COL27A1: variants seen among roughly 807,000 people sequenced by gnomAD.
The protein encoded by COL27A1 is collagen type XXVII alpha 1 chain.
Under a neutral mutation model 251.3 loss-of-function variants are expected in COL27A1, and 106 were observed. The ratio of observed to expected loss-of-function variants is 0.42; its 90% CI spans 0.36 to 0.50. The LOEUF (loss-of-function observed/expected upper bound fraction) is 0.50. COL27A1 is among the 20% of genes least tolerant of loss of function. COL27A1 has a pLI of 0.00. For synonymous variants in COL27A1, 1,000 were observed against 986.3 expected (o/e 1.01, Z -0.26); for missense variants, 2,325 against 2,522.8 (o/e 0.92, Z 1.68).
chr9:114,194,304 G>C, intron 5 of COL27A1, 100 bp from the exon 6 acceptor site: 1 of 1,099,014 alleles, frequency 9.1e-7, no homozygotes, highest in Non-Finnish European at 1.4e-6. Flanking sequence ...GGATGGGAAG[G>C]CATTTAAGCA....
intron 19 of COL27A1, among the ~76,000 whole-genome samples, chr9:114,239,016 C>T (rs1159463611): frequency 6.6e-6 from 1 of 152,242 alleles, no homozygotes; most frequent in African/African-American, 2.4e-5. Flanking sequence ...CCATCAGCCT[C>T]TCCCGTCTTT....
intron 49 of COL27A1, among the ~76,000 whole-genome samples, chr9:114,294,247 C>CAAAAA (rs58536000): frequency 8.3e-5 from 7 of 84,256 alleles, no homozygotes; most frequent in Admixed American, 1.3e-4. Flanking sequence ...GACTCTGTCT[C>CAAAAA]AAAAAAAAAA....
At chr9:114,305,533 T>C (rs1588903797) in intron 57 of COL27A1, among the ~76,000 whole-genome samples, 1 of 152,128 alleles carries the variant, frequency 6.6e-6, no homozygotes, top group Non-Finnish European at 1.5e-5. Context: ...GCATTGGCGG[T>C]AGAATAGAGG....
intron 16 of COL27A1, among the ~76,000 whole-genome samples, chr9:114,232,279 G>A (rs557289159): frequency 4.3e-4 from 66 of 152,264 alleles, no homozygotes; most frequent in African/African-American, 1.5e-3. Context: ...AGAGCGTGCC[G>A]ACTGGAAATG....
intron 43 of COL27A1, 44 bp downstream of exon 43, chr9:114,288,799 A>C: frequency 6.2e-7 from 1 of 1,604,082 alleles, no homozygotes; most frequent in Non-Finnish European, 8.5e-7. Context: ...CGGGCATGTC[A>C]GGGAGAGGGG....
At chr9:114,166,368 AATCCATCCATCC>A (rs377695234) in intron 2 of COL27A1, among the ~76,000 whole-genome samples, 1 of 37,082 alleles carries the variant, frequency 2.7e-5, no homozygotes, top group African/African-American at 5.5e-5. Flanking sequence ...TCCATCCATC[AATCCATCCATCC>A]ATCCATCCAT....
chr9:114,205,865 C>G, intron 9 of COL27A1, 53 bp downstream of exon 9: 2 of 1,521,654 alleles, frequency 1.3e-6, no homozygotes, highest in South Asian at 2.4e-5. Flanking sequence ...TGAAGATGGC[C>G]ACAGGTGCCC....
rs1564515708 is a variant in COL27A1, at chr9:114,243,924, C to CTTTTTTTTTTTTTT, written c.2934+364_2934+365insTTTTTTTTTTTTTT. On this transcript the variant is annotated intron_variant, in intron 23 of 60. Transcript: ENST00000356083. Reference sequence around the variant, plus strand: ...TTGCACCGTTTCTGTTTTTTTCTTTCATTTTTTTTTTTTTTTTTTTGAGAT... The same window carrying CTTTTTTTTTTTTTT: ...TTGCACCGTTTCTGTTTTTTTCTTTCTTTTTTTTTTTTTTATTTTTTTTTTTTTTTTTTTGAGAT... Among the ~76,000 whole-genome samples, 3 of 138,074 alleles carry CTTTTTTTTTTTTTT rather than the reference C, an allele frequency of 2.2e-5. 1 individual carries two copies. Among genetic ancestry groups the CTTTTTTTTTTTTTT allele is most frequent in the Non-Finnish European group, 4.6e-5 (3 of 64,764 alleles). The allele number at this position is 138,074 out of a possible 152,430, so 90.6% of individuals were successfully genotyped here. A position where few individuals can be genotyped will look rare whatever the true frequency, so the allele number is the denominator to read the frequency against.
rs780740644 is a variant in COL27A1, at chr9:114,309,472, C to T, written c.5430C>T (p.Gly1810=). The T allele has an allele frequency of 9.7e-5, 156 of 1,613,336 alleles. 1 individual carries two copies. Among genetic ancestry groups the T allele is most frequent in the Non-Finnish European group, 1.0e-4 (123 of 1,179,734 alleles). ...TCCGGCCCGAGGTGTCCATGGATGG[C>T]TGCAAGGTAACTCTCAGAGCCCCTC... ...GQFRPEVSMD[G]CKVQDGRWHQ... is the part of the protein sequence containing the mutation. The change falls in exon 60 of 61, where the codon GGC becomes GGT. Residue 1810 remains glycine (G), a synonymous_variant. Transcript: ENST00000356083.
At chr9:114,207,743 C>A (rs566357098) in intron 10 of COL27A1, among the ~76,000 whole-genome samples, 2 of 152,340 alleles carry the variant, frequency 1.3e-5, no homozygotes, top group Admixed American at 1.3e-4. Context: ...GGATGACAGG[C>A]TTTGAGACCT....
intron 16 of COL27A1, among the ~76,000 whole-genome samples, chr9:114,233,123 C>T (rs774904511): frequency 2.0e-5 from 3 of 152,216 alleles, no homozygotes; most frequent in Non-Finnish European, 4.4e-5. Flanking sequence ...AGTTACCTGG[C>T]TCCAGAGACC....
intron 21 of COL27A1, among the ~76,000 whole-genome samples, chr9:114,241,853 G>A (rs1387599096): frequency 6.6e-6 from 1 of 152,240 alleles, no homozygotes; most frequent in African/African-American, 2.4e-5. Context: ...CTGCCAGTGA[G>A]CAAATGGCAG....
intron 1 of COL27A1, among the ~76,000 whole-genome samples, chr9:114,161,399 T>C (rs1177024904): frequency 6.6e-6 from 1 of 152,122 alleles, no homozygotes; most frequent in Admixed American, 6.5e-5. Context: ...TGTAGGATCC[T>C]CTAAGTCCAT....
At chr9:114,241,072 A>G (rs1244558131) in intron 21 of COL27A1, among the ~76,000 whole-genome samples, 3 of 152,252 alleles carry the variant, frequency 2.0e-5, no homozygotes, top group Admixed American at 2.0e-4. Flanking sequence ...ACAATTAGTT[A>G]GTGGCAGAGC....
intron 10 of COL27A1, among the ~76,000 whole-genome samples, chr9:114,208,624 G>T (rs1270481569): frequency 6.6e-6 from 1 of 152,144 alleles, no homozygotes; most frequent in Non-Finnish European, 1.5e-5. Flanking sequence ...ACCAAGAGTG[G>T]CACGCAGATA....
chr9:114,205,620 G>A (rs1829899303), intron 8 of COL27A1, 139 bp from the exon 9 acceptor site: 5 of 783,666 alleles, frequency 6.4e-6, no homozygotes. Flanking sequence ...GGGCTTGGGG[G>A]CCCTCCCCTT....
At chr9:114,165,210 C>T in intron 2 of COL27A1, among the ~76,000 whole-genome samples, 1 of 152,166 alleles carries the variant, frequency 6.6e-6, no homozygotes, top group East Asian at 1.9e-4. Context: ...CTTCTGACTC[C>T]AGAGTCTGCT....
Position 114,196,003 on chromosome 9 carries a change from G to A in COL27A1, c.2115G>A (p.Pro705=), listed in dbSNP as rs10982098. 1,700 of 1,614,008 alleles carry A rather than the reference G, an allele frequency of 1.1e-3. 25 individuals carry two copies. The African/African-American group carries it at 0.02, about 19-fold the overall frequency. ...LPGLSGNPGP[P]GRKGHKGYPG... ...GGCTCTCCGGGAATCCAGGACCTCC[G>A]GGACGAAAGGTACTGTTTGGTTTTG... Residue 705 remains proline (P), a synonymous_variant, in exon 7 of 61, where the codon CCG becomes CCA. Coordinates refer to ENST00000356083, the MANE Select transcript of COL27A1 (RefSeq NM_032888.4).
At chr9:114,286,247 G>T (rs938978526) in intron 41 of COL27A1, among the ~76,000 whole-genome samples, 2 of 152,192 alleles carry the variant, frequency 1.3e-5, no homozygotes, top group Non-Finnish European at 2.9e-5. Context: ...GACCCATTGA[G>T]CACACGCCCA....
Sources: allele counts gnomAD v4.1 joint callset (sites outside exome capture counted in the v4.1 genomes callset), GRCh38; gene constraint gnomAD v4.1.1; transcripts MANE v1.5; gene names NCBI Gene and HGNC (gene_info 2026-07-23, HGNC 2026-07-21).